The following NBAS variants were observed in gnomAD, a reference collection of about 807,000 sequenced individuals.
NBAS encodes the protein NBAS subunit of NRZ tethering complex, also known as NAG/BC035112 fusion.
Under a neutral mutation model 302.5 loss-of-function variants are expected in NBAS, and 219 were observed. The ratio of observed to expected loss-of-function variants is 0.72; its 90% CI spans 0.65 to 0.81. NBAS has a LOEUF of 0.81. NBAS is among the 30% of genes least tolerant of loss of function. The pLI, the probability that NBAS is intolerant of heterozygous loss-of-function variation, is 0.00. For synonymous variants in NBAS, 1,118 were observed against 1,021.6 expected (o/e 1.09, Z -1.80); for missense variants, 2,932 against 2,841.6 (o/e 1.03, Z -0.72).
the NBAS span, among the ~76,000 whole-genome samples, chr2:15,045,214 C>T: frequency 2.0e-5 from 3 of 152,174 alleles, no homozygotes; most frequent in African/African-American, 7.2e-5. Context: ...AAATACAATG[C>T]GACATGATCC....
chr2:15,144,046 A>ATATATATATATATTATCCT, the NBAS span, among the ~76,000 whole-genome samples: 3 of 104,576 alleles, frequency 2.9e-5, no homozygotes, highest in African/African-American at 1.4e-4. Flanking sequence ...CCTATATATA[A>ATATATATATATATTATCCT]AAATATATAT....
the NBAS span, among the ~76,000 whole-genome samples, chr2:14,902,004 C>T: frequency 6.6e-6 from 1 of 152,226 alleles, no homozygotes; most frequent in South Asian, 2.1e-4. Flanking sequence ...CACCACTGAG[C>T]TTTTATGAGT....
chr2:14,910,819 CTATT>C, the NBAS span, among the ~76,000 whole-genome samples: 2 of 152,136 alleles, frequency 1.3e-5, no homozygotes, highest in African/African-American at 4.8e-5. Context: ...TGGGGCTAAA[CTATT>C]TATTATCATT....
chr2:14,976,667 A>G, the NBAS span, among the ~76,000 whole-genome samples: 1 of 152,214 alleles, frequency 6.6e-6, no homozygotes, highest in African/African-American at 2.4e-5. Flanking sequence ...TTTTTCTACA[A>G]TGTAATCAAG....
intron 16 of NBAS, among the ~76,000 whole-genome samples, chr2:15,470,929 C>A (rs555553552): frequency 1.3e-5 from 2 of 152,190 alleles, no homozygotes; most frequent in African/African-American, 4.8e-5. Flanking sequence ...CCATTGCAAT[C>A]CAGCCTGGGC....
the NBAS span, among the ~76,000 whole-genome samples, chr2:15,108,286 G>A: frequency 1.1e-4 from 16 of 152,004 alleles, 1 homozygote; most frequent in Admixed American, 9.8e-4. Context: ...TAATTGTGTT[G>A]ACCTCTCAAC....
intron 13 of NBAS, among the ~76,000 whole-genome samples, chr2:15,476,749 T>G (rs1195232650): frequency 2.6e-5 from 4 of 152,082 alleles, no homozygotes; most frequent in African/African-American, 9.7e-5. Flanking sequence ...TGAATTATGG[T>G]TCACCAAACT....
intron 47 of NBAS, among the ~76,000 whole-genome samples, chr2:15,229,800 A>G (rs968219473): frequency 2.0e-5 from 3 of 149,702 alleles, no homozygotes; most frequent in African/African-American, 7.3e-5. Flanking sequence ...AAAAGAAAAG[A>G]AAAAAAAAGA....
the NBAS span, among the ~76,000 whole-genome samples, chr2:14,856,382 A>G: frequency 1.3e-5 from 2 of 152,338 alleles, no homozygotes; most frequent in African/African-American, 4.8e-5. Context: ...CCTTCAATGA[A>G]CAGACAACAA....
intron 21 of NBAS, among the ~76,000 whole-genome samples, chr2:15,448,517 G>C (rs1443617012): frequency 6.6e-6 from 1 of 151,910 alleles, no homozygotes; most frequent in African/African-American, 2.4e-5. Context: ...CCCTGTTTCT[G>C]ATGGAATGCA....
chr2:14,834,307 G>A, the NBAS span, among the ~76,000 whole-genome samples: 5,702 of 152,180 alleles, frequency 0.037, 139 homozygotes, highest in Non-Finnish European at 0.055. Flanking sequence ...TCTTTGCTGT[G>A]GAATCACATT....
the NBAS span, among the ~76,000 whole-genome samples, chr2:14,846,268 G>A: frequency 3.3e-5 from 5 of 152,072 alleles, no homozygotes; most frequent in Non-Finnish European, 7.4e-5. Flanking sequence ...TCAAAATGCT[G>A]AAGGAAACAG....
At chr2:15,339,849 T>C (rs563400897) in intron 35 of NBAS, among the ~76,000 whole-genome samples, 1 of 151,824 alleles carries the variant, frequency 6.6e-6, no homozygotes, top group South Asian at 2.1e-4. Context: ...GGGAAGAACA[T>C]TCCAGGTAAA....
At chr2:15,295,173 T>G (rs1055938202) in intron 40 of NBAS, among the ~76,000 whole-genome samples, 1 of 152,252 alleles carries the variant, frequency 6.6e-6, no homozygotes, top group African/African-American at 2.4e-5. Flanking sequence ...TCTATTCTTT[T>G]TGTATTCTAA....
downstream of NBAS, among the ~76,000 whole-genome samples, chr2:15,164,841 G>A (rs79514337): frequency 9.2e-3 from 1,392 of 152,014 alleles, 18 homozygotes; most frequent in African/African-American, 0.032. Context: ...CCCCCTCCCC[G>A]CCGCCCACAG....
chr2:15,037,429 G>GT, the NBAS span, among the ~76,000 whole-genome samples: 8 of 10,630 alleles, frequency 7.5e-4, no homozygotes, highest in Non-Finnish European at 2.8e-3. Context: ...CACCCGCAAG[G>GT]CGGGGTACTA....
the NBAS span, among the ~76,000 whole-genome samples, chr2:15,023,987 T>C: frequency 0.77 from 116,829 of 151,686 alleles, 45,267 homozygotes; most frequent in East Asian, 1. Flanking sequence ...ACTTTTATTT[T>C]AGGTTCAGGG....
chr2:15,027,130 C>T, the NBAS span, among the ~76,000 whole-genome samples: 14 of 151,994 alleles, frequency 9.2e-5, no homozygotes, highest in Non-Finnish European at 1.8e-4. Context: ...TTCCCTCTCC[C>T]CAGAAAATGT....
At chr2:15,512,210 A>C (rs1662176921) in intron 9 of NBAS, among the ~76,000 whole-genome samples, 1 of 152,208 alleles carries the variant, frequency 6.6e-6, no homozygotes, top group Non-Finnish European at 1.5e-5. Flanking sequence ...GGCATATCAG[A>C]CTAACTCAGT....
Sources: gnomAD v4.1 joint callset for allele counts (sites outside exome capture counted in the v4.1 genomes callset) on GRCh38, gnomAD v4.1.1 for gene constraint, MANE v1.5 for transcripts, NCBI Gene and HGNC (gene_info 2026-07-23, HGNC 2026-07-21) for gene names.